The following ZNF454 variants were observed in gnomAD, a reference collection of about 807,000 sequenced individuals.
ZNF454 encodes zinc finger protein 454.
Under a neutral mutation model 48.2 loss-of-function variants are expected in ZNF454, and 30 were observed. The ratio of observed to expected loss-of-function variants is 0.62; its 90% confidence interval spans 0.47 to 0.84. The LOEUF (loss-of-function observed/expected upper bound fraction) is 0.84. ZNF454 is among the 40% of genes least tolerant of loss of function. ZNF454 has a pLI of 0.00. For missense variants in ZNF454, 510 were observed against 623.1 expected (o/e 0.82, Z 1.93); for synonymous variants, 204 against 211.4 (o/e 0.97, Z 0.30).
the ZNF454 span, among the ~76,000 whole-genome samples, chr5:178,988,330 G>A: frequency 5.9e-5 from 9 of 152,210 alleles, no homozygotes; most frequent in Non-Finnish European, 1.0e-4. The surrounding 1 kb of genome is among the most constrained non-coding windows in gnomAD (Gnocchi z 6.0). Flanking sequence ...AGAGCATGGC[G>A]GAGAGAAGGT....
At chr5:178,976,078 C>T in the ZNF454 span, 1 of 451,104 alleles carries the variant, frequency 2.2e-6, no homozygotes, top group Admixed American at 2.4e-5. Context: ...ACCAGGCCGA[C>T]CCCTGCCCTT....
In ZNF454 at chr5:178,965,241, A is replaced by T. The variant is rs1429822974; in HGVS notation, c.837A>T (p.Lys279Asn). 6.2e-7 allele frequency: 1 copy of T among 1,614,192 alleles called. No homozygotes were observed. The highest frequency in any genetic ancestry group is 8.5e-7 in the Non-Finnish European group (1 of 1,180,028). Residue 279 changes from lysine (K) to asparagine (N), a missense_variant, in exon 5 of 5, where the codon AAA becomes AAT. By Grantham distance (94) the Lys-to-Asn change is moderately conservative (BLOSUM62 0). Coordinates refer to ENST00000519564, the MANE Select transcript of ZNF454 (RefSeq NM_001178089.3). This position sits in a 1 kb window ranked among gnomAD's most constrained non-coding sequence, Gnocchi z 5.2. ...CTTTTGAATGCAACTTATGTGGAAA[A>T]GCTTTTATCCGAAATATACACCTTG... Reference protein sequence around the residue: ...EKPFECNLCGKAFIRNIHLAH... With the variant: ...EKPFECNLCGNAFIRNIHLAH...
chr5:178,969,185 A>G (rs533573988), downstream of ZNF454, among the ~76,000 whole-genome samples: 25 of 152,316 alleles, frequency 1.6e-4, no homozygotes, highest in South Asian at 5.2e-3. Context: ...GGGAGGGGAC[A>G]CTGCCTGAGT....
chr5:178,987,865 T>G, the ZNF454 span, among the ~76,000 whole-genome samples: 1 of 150,506 alleles, frequency 6.6e-6, no homozygotes, highest in African/African-American at 2.4e-5. Flanking sequence ...GTTCAAGCAA[T>G]TCTCCTGTCT....
chr5:178,941,768 C>T lies in ZNF454; in HGVS notation c.-108+324C>T, dbSNP rs1420719777. On this transcript the variant is annotated intron_variant, in intron 1 of 4. Transcript: ENST00000519564. This position sits in a 1 kb window ranked among gnomAD's most constrained non-coding sequence, Gnocchi z 5.5. ...GTTCCTAACCCTTCCCTCTCCCCTC[C>T]CGCCCAGCTCACACAAACGCCGCTT... Among the ~76,000 whole-genome samples, 1 of 152,198 alleles carries T rather than the reference C, an allele frequency of 6.6e-6. No homozygotes were observed. Among genetic ancestry groups the T allele is most frequent in the African/African-American group, 2.4e-5 (1 of 41,462 alleles).
rs1488150335 is a variant in ZNF454, at chr5:178,946,799, T to A, written c.161-98T>A. 2 of 1,169,828 alleles carry A rather than the reference T, an allele frequency of 1.7e-6. No individual in the cohort carries two copies. The highest frequency in any genetic ancestry group is 2.5e-6 in the Non-Finnish European group (2 of 803,338). The allele number at this position is 1,169,828 out of a possible 1,614,324, so 72.5% of individuals were successfully genotyped here. ...CCCTGGGCTTTCCTATCAAGTCCCA[T>A]TTCCCAGCAAGCTCTGAGGACCAGG... On this transcript the variant is annotated intron_variant, in intron 3 of 4. Transcript: ENST00000519564. This position sits in a 1 kb window ranked among gnomAD's most constrained non-coding sequence, Gnocchi z 4.5.
chr5:178,959,897 G>GCA (rs1759934180), intron 4 of ZNF454, among the ~76,000 whole-genome samples: 2 of 151,220 alleles, frequency 1.3e-5, no homozygotes, highest in Admixed American at 6.6e-5. Flanking sequence ...GAGCCACCGT[G>GCA]CCCGGCCCCT....
chr5:178,969,404 A>G (rs1265455409), downstream of ZNF454: 1 of 453,152 alleles, frequency 2.2e-6, no homozygotes, highest in African/African-American at 2.0e-5. Flanking sequence ...AGCTGGGTTA[A>G]TCCCCAAAGA....
chr5:178,983,351 G>A, the ZNF454 span: 191 of 823,140 alleles, frequency 2.3e-4, 1 homozygote, highest in Middle Eastern at 2.4e-3. Context: ...CCACCTCTTC[G>A]TGGTGGCTCT....
chr5:178,985,708 A>AAAAT, the ZNF454 span: 1 of 416,320 alleles, frequency 2.4e-6, no homozygotes, highest in Non-Finnish European at 4.7e-6. Flanking sequence ...GTCTAAAAAA[A>AAAAT]AAAAAACAAA....
the ZNF454 span, chr5:178,983,063 G>A: frequency 1.2e-6 from 2 of 1,614,226 alleles, no homozygotes; most frequent in Middle Eastern, 3.3e-4. Flanking sequence ...ACGTGACCAT[G>A]AGCAGGAGGC....
rs1177320932 is a variant in ZNF454, at chr5:178,944,207, T to C, written c.33+1383T>C. Among the ~76,000 whole-genome samples the C allele has an allele frequency of 6.6e-6, 1 of 152,166 alleles. No homozygotes were observed. The highest frequency in any genetic ancestry group is 6.5e-5 in the Admixed American group (1 of 15,284). Reference sequence around the variant, plus strand: ...GATGACCAGCTAGGTGGGAGCGCCATGTTCAACATAGCACAGCTCACCGGC... The same window carrying C: ...GATGACCAGCTAGGTGGGAGCGCCACGTTCAACATAGCACAGCTCACCGGC... On this transcript the variant is annotated intron_variant, in intron 2 of 4. Coordinates refer to ENST00000519564, the MANE Select transcript of ZNF454 (RefSeq NM_001178089.3). The surrounding 1 kb of genome is among the most constrained non-coding windows in gnomAD (Gnocchi z 4.1).
At chr5:178,986,553 G>A in the ZNF454 span, 1 of 1,607,816 alleles carries the variant, frequency 6.2e-7, no homozygotes, top group East Asian at 2.2e-5. Flanking sequence ...AGCCCGTGTG[G>A]TTGGGCGTGG....
chr5:178,986,364 G>A, the ZNF454 span: 6 of 1,613,998 alleles, frequency 3.7e-6, no homozygotes, highest in Non-Finnish European at 5.1e-6. Flanking sequence ...TGAGGAAGAT[G>A]CCGGTGAGGA....
chr5:178,989,414 A>G, the ZNF454 span: 1 of 1,614,030 alleles, frequency 6.2e-7, no homozygotes, highest in Non-Finnish European at 8.5e-7. Flanking sequence ...TCCTACAGAC[A>G]GGGAAGAAGG....
downstream of ZNF454, chr5:178,969,342 G>A: frequency 2.4e-6 from 1 of 416,042 alleles, no homozygotes; most frequent in East Asian, 7.1e-5. Flanking sequence ...GATCTGTGTG[G>A]TGTTAGACAT....
In ZNF454 at chr5:178,956,519, G is replaced by GAAA. The variant is rs397955241; in HGVS notation, c.251-8119_251-8117dup. 6.1e-3 allele frequency among the ~76,000 whole-genome samples: 686 copies of GAAA among 112,344 alleles called. 13 individuals are homozygous for GAAA. Among genetic ancestry groups the GAAA allele is most frequent in the African/African-American group, 0.023 (639 of 28,394 alleles). The allele number at this position is 112,344 out of a possible 152,430, so 73.7% of individuals were successfully genotyped here. A position where few individuals can be genotyped will look rare whatever the true frequency, so the allele number is the denominator to read the frequency against. On this transcript the variant is annotated intron_variant, in intron 4 of 4. Transcript: ENST00000519564. ...CAACTTTGTTTTGCTCTCCTGAAAAGAAAAAAAAAAAAAAAAAAAGCCTCA... is the reference window on the plus strand; with the variant it reads ...CAACTTTGTTTTGCTCTCCTGAAAAGAAAAAAAAAAAAAAAAAAAAAAGCCTCA...
intron 4 of ZNF454, among the ~76,000 whole-genome samples, chr5:178,953,582 G>A (rs967502658): frequency 6.6e-6 from 1 of 152,006 alleles, no homozygotes; most frequent in African/African-American, 2.4e-5. Context: ...CCTTTTGGTG[G>A]CATACATCTC....
In ZNF454 at chr5:178,952,040, T is replaced by G. The variant is rs535644259; in HGVS notation, c.250+5054T>G. ...ATTACTAGTGAGGTTGAACATCTTG[T>G]TTTTTTTTTTTTTTTGAGACGGAGT... On this transcript the variant is annotated intron_variant, in intron 4 of 4. Transcript: ENST00000519564. Among the ~76,000 whole-genome samples, 762 of 127,172 alleles carry G rather than the reference T, an allele frequency of 6.0e-3. 4 individuals carry two copies. Among genetic ancestry groups the G allele is most frequent in the African/African-American group, 0.021 (715 of 33,850 alleles). 83.4% of individuals were successfully genotyped at this position (127,172 alleles called of 152,430 possible). A position where few individuals can be genotyped will look rare whatever the true frequency, so the allele number is the denominator to read the frequency against.
Sources: gnomAD v4.1 joint callset for allele counts (sites outside exome capture counted in the v4.1 genomes callset) on GRCh38, gnomAD v4.1.1 for gene constraint, Gnocchi (gnomAD v3.1) non-coding constraint, MANE v1.5 for transcripts, NCBI Gene and HGNC (gene_info 2026-07-23, HGNC 2026-07-21) for gene names.